Variants in SCN11A observed in about 807,000 individuals in gnomAD.
The protein encoded by SCN11A is sodium voltage-gated channel alpha subunit 11.
In SCN11A, 122 loss-of-function variants were observed where a neutral mutation model predicts 162.2. That is an observed-to-expected ratio of 0.75 (90% CI 0.65 to 0.87). SCN11A has a LOEUF of 0.87. Ranked by LOEUF, SCN11A falls within the 40% of genes least tolerant of loss-of-function variation. The pLI is 0.00. For missense variants in SCN11A, 2,015 were observed against 2,181.6 expected, an observed-to-expected ratio of 0.92 and a Z score of 1.52; for synonymous variants, 758 against 751.5, an observed-to-expected ratio of 1.01 and a Z score of -0.14.
intron 26 of SCN11A, among the ~76,000 whole-genome samples, chr3:38,869,575 A>G (rs995649886): frequency 6.6e-6 from 1 of 152,124 alleles, no homozygotes; most frequent in Admixed American, 6.6e-5. Context: ...TCATCTGTAT[A>G]TTAACTTATA....
intron 2 of SCN11A, among the ~76,000 whole-genome samples, chr3:39,029,340 T>G (rs1394973835): frequency 6.6e-6 from 1 of 152,262 alleles, no homozygotes; most frequent in Non-Finnish European, 1.5e-5. Flanking sequence ...AAGTTAAATA[T>G]ATTTTTATGC....
intron 9 of SCN11A, among the ~76,000 whole-genome samples, chr3:38,923,251 C>A (rs146546145): frequency 2.0e-5 from 3 of 152,182 alleles, no homozygotes; most frequent in Non-Finnish European, 4.4e-5. Context: ...GGGGCTCAGA[C>A]CTTGGTCCTC....
chr3:39,021,141 G>A (rs908597155), intron 2 of SCN11A, among the ~76,000 whole-genome samples: 5 of 151,896 alleles, frequency 3.3e-5, no homozygotes, highest in South Asian at 2.1e-4. Flanking sequence ...GTGGTTTAGC[G>A]CTCCACCAAG....
intron 2 of SCN11A, among the ~76,000 whole-genome samples, chr3:38,984,281 T>C (rs904658226): frequency 1.3e-5 from 2 of 152,232 alleles, no homozygotes; most frequent in African/African-American, 4.8e-5. Context: ...TGCTAGTATC[T>C]GCCTCCTTCT....
chr3:38,924,845 T>C (rs2066112765), intron 9 of SCN11A, among the ~76,000 whole-genome samples: 1 of 151,760 alleles, frequency 6.6e-6, no homozygotes. Context: ...CTACCTGGCC[T>C]CTCACCCTCT....
chr3:38,891,845 C>T (rs2065505131), intron 19 of SCN11A, among the ~76,000 whole-genome samples: 2 of 152,270 alleles, frequency 1.3e-5, no homozygotes, highest in Middle Eastern at 6.8e-3. Flanking sequence ...TCTTACCTCT[C>T]AACATTGTTA....
chr3:39,029,844 T>C (rs1315471677), intron 2 of SCN11A, among the ~76,000 whole-genome samples: 3 of 152,248 alleles, frequency 2.0e-5, no homozygotes, highest in South Asian at 2.1e-4. Flanking sequence ...TAATTTTGAA[T>C]GCAGTTTGAA....
At position 38,981,537 on chromosome 3, in the gene SCN11A, T is replaced by TTGTGTGTGTG. The variant is rs10578149; in HGVS notation, c.-279-21124_-279-21115dup. ...GTGTTTCTGTGTTGTGTGTGTGTGT[T>TTGTGTGTGTG]TGTGTGTGTGTGTGTGTGTGTGTGT... On this transcript the variant is annotated intron_variant, in intron 2 of 29. Coordinates refer to ENST00000302328, the MANE Select transcript of SCN11A (RefSeq NM_001349253.2). Among the ~76,000 whole-genome samples, 1,038 of 145,972 alleles carry TTGTGTGTGTG rather than the reference T, an allele frequency of 7.1e-3. 9 individuals are homozygous for TTGTGTGTGTG. The highest frequency in any genetic ancestry group is 0.016 in the African/African-American group (642 of 39,860).
At chr3:38,870,531 T>C (rs1051547873) in intron 26 of SCN11A, among the ~76,000 whole-genome samples, 160 bp downstream of exon 26, 2 of 152,176 alleles carry the variant, frequency 1.3e-5, no homozygotes, top group Non-Finnish European at 2.9e-5. Flanking sequence ...TAAGAATCCT[T>C]TGTATTAGGC....
At chr3:38,985,331 C>T (rs896307991) in intron 2 of SCN11A, among the ~76,000 whole-genome samples, 6 of 150,252 alleles carry the variant, frequency 4.0e-5, no homozygotes, top group Admixed American at 1.3e-4. Flanking sequence ...GGGGTTTCAC[C>T]GTGTTAGCCA....
chr3:38,885,220 G>T, intron 21 of SCN11A, 68 bp downstream of exon 21: 1 of 897,176 alleles, frequency 1.1e-6, no homozygotes, highest in Non-Finnish European at 1.9e-6. Flanking sequence ...AAACCACAGA[G>T]CTTCAAAGAA....
At chr3:38,870,899 AGGGAACTCAAGGGTGTGT>A (rs2065115310) in intron 25 of SCN11A, among the ~76,000 whole-genome samples, 155 bp from the exon 26 acceptor site, 2 of 152,326 alleles carry the variant, frequency 1.3e-5, no homozygotes, top group African/African-American at 4.8e-5. Flanking sequence ...GAACAGTAGA[AGGGAACTCAAGGGTGTGT>A]GTCTTGGATT....
At chr3:39,041,367 A>G (rs2032045481) in intron 1 of SCN11A, among the ~76,000 whole-genome samples, 1 of 152,220 alleles carries the variant, frequency 6.6e-6, no homozygotes. Flanking sequence ...ATCTTCAAAT[A>G]TAGTCAACCC....
chr3:38,924,046 G>A (rs112453420), intron 9 of SCN11A, among the ~76,000 whole-genome samples: 1,928 of 152,232 alleles, frequency 0.013, 40 homozygotes, highest in African/African-American at 0.043. Flanking sequence ...TTGGCATGTG[G>A]ATGAATGCAG....
chr3:38,850,752 C>A lies in SCN11A; in HGVS notation c.4057-1G>T. On this transcript the variant is annotated splice_acceptor_variant, in intron 28 of 29. Transcript: ENST00000302328. LOFTEE classifies it high-confidence loss of function. ...CGAACACGAGACCTTGACATTTGTT[C>A]TGAGAAAAAAAAGAAATTATAAATC... The A allele has an allele frequency of 6.4e-7, 1 of 1,567,936 alleles. No individual in the cohort carries two copies. Among genetic ancestry groups the A allele is most frequent in the Non-Finnish European group, 8.6e-7 (1 of 1,159,668 alleles).
intron 28 of SCN11A, among the ~76,000 whole-genome samples, chr3:38,852,106 T>A (rs866308957): frequency 1.3e-5 from 2 of 151,982 alleles, no homozygotes; most frequent in East Asian, 3.9e-4. Context: ...AGAATACAGA[T>A]GACATTAATA....
chr3:38,854,683 AG>A (rs372337051), intron 28 of SCN11A, among the ~76,000 whole-genome samples: 151 of 152,332 alleles, frequency 9.9e-4, no homozygotes, highest in African/African-American at 3.3e-3. Flanking sequence ...TGTGAGTGAG[AG>A]GGGGGAAAAC....
In SCN11A at chr3:38,846,673, G is replaced by C. The variant is rs2064668403; in HGVS notation, c.*21C>G. 1 of 1,600,470 alleles carries C rather than the reference G, an allele frequency of 6.2e-7. No homozygotes were observed. The highest frequency in any genetic ancestry group is 1.7e-5 in the Admixed American group (1 of 59,938). On this transcript the variant is annotated 3_prime_UTR_variant, in exon 30 of 30. Transcript: ENST00000302328. ...TGAAGGCAAGGCTGTGAAGCTATGA[G>C]GTAGGCGTGGAGGTGAGGGCTCAGT...
At chr3:39,022,018 C>T (rs2031463041) in intron 2 of SCN11A, among the ~76,000 whole-genome samples, 1 of 152,132 alleles carries the variant, frequency 6.6e-6, no homozygotes, top group South Asian at 2.1e-4. Flanking sequence ...AAGACTCCAC[C>T]ACAGATATCA....
Sources: allele counts gnomAD v4.1 joint callset (sites outside exome capture counted in the v4.1 genomes callset), GRCh38; gene constraint gnomAD v4.1.1; transcripts MANE v1.5; gene names NCBI Gene and HGNC (gene_info 2026-07-23, HGNC 2026-07-21).